Variants in CNTNAP2 observed in about 807,000 individuals in gnomAD.
CNTNAP2 encodes the protein contactin-associated protein-like 2.
CNTNAP2 carries 98 observed loss-of-function variants against 155.2 expected under a neutral mutation model. The ratio of observed to expected loss-of-function variants is 0.63; its 90% CI spans 0.54 to 0.75. The LOEUF (loss-of-function observed/expected upper bound fraction) is 0.75, where lower values mean the gene tolerates loss of function less well. Among genes scored for constraint, CNTNAP2 ranks in the 30% least tolerant of loss-of-function variants. The probability of loss-of-function intolerance (pLI) is 0.00; values close to 1 mark genes in which losing one functional copy is unlikely to be tolerated. For synonymous variants in CNTNAP2, 651 were observed against 631.2 expected (o/e 1.03, Z -0.47); for missense variants, 1,727 against 1,688.1 (o/e 1.02, Z -0.40).
chr7:148,414,076 C>T (rs10248122), intron 23 of CNTNAP2, among the ~76,000 whole-genome samples: 1 of 142,728 alleles, frequency 7.0e-6, no homozygotes. Flanking sequence ...TTTTCTTTTT[C>T]CATTTTTTTT....
At chr7:146,403,632 C>A (rs2129108987) in intron 1 of CNTNAP2, among the ~76,000 whole-genome samples, 1 of 152,110 alleles carries the variant, frequency 6.6e-6, no homozygotes, top group African/African-American at 2.4e-5. Flanking sequence ...CTTAAAATGA[C>A]AATAACAACA....
rs564427101 is a variant in CNTNAP2 at position 147,603,060 on chromosome 7, C to G, written c.1898-36046C>G. Reference sequence around the variant, plus strand: ...GTTCTAGATCCCTGAGGAATCGCCACACTGACTTCCACAATGGTTGAACTA... The same window carrying G: ...GTTCTAGATCCCTGAGGAATCGCCAGACTGACTTCCACAATGGTTGAACTA... On this transcript the variant is annotated intron_variant, in intron 12 of 23. Coordinates refer to ENST00000361727, the MANE Select transcript of CNTNAP2 (RefSeq NM_014141.6). 3.4e-3 allele frequency among the ~76,000 whole-genome samples: 517 copies of G among 152,002 alleles called. 4 individuals carry two copies. The highest frequency in any genetic ancestry group is 0.012 in the African/African-American group (493 of 41,428).
intron 13 of CNTNAP2, among the ~76,000 whole-genome samples, chr7:147,661,871 A>G (rs1795616896): frequency 1.3e-5 from 2 of 152,040 alleles, no homozygotes; most frequent in South Asian, 4.1e-4. Flanking sequence ...TGATATAAGT[A>G]CTAGCTATTC....
intron 8 of CNTNAP2, among the ~76,000 whole-genome samples, chr7:147,289,415 CAGG>C (rs1805252985): frequency 1.4e-5 from 2 of 143,232 alleles, no homozygotes; most frequent in Non-Finnish European, 1.5e-5. Flanking sequence ...AAAAAAAAAA[CAGG>C]AGAGACAATT....
intron 9 of CNTNAP2, among the ~76,000 whole-genome samples, chr7:147,392,060 C>A (rs1796728152): frequency 6.6e-6 from 1 of 152,102 alleles, no homozygotes; most frequent in Non-Finnish European, 1.5e-5. Flanking sequence ...TATACAATTT[C>A]ATTTAACTGT....
chr7:147,487,451 G>A (rs1798529759), intron 11 of CNTNAP2, among the ~76,000 whole-genome samples: 1 of 152,132 alleles, frequency 6.6e-6, no homozygotes, highest in Non-Finnish European at 1.5e-5. Flanking sequence ...ATAACGTGAT[G>A]CTAGAATTAC....
At chr7:147,808,862 A>G (rs936159788) in intron 13 of CNTNAP2, among the ~76,000 whole-genome samples, 1 of 152,214 alleles carries the variant, frequency 6.6e-6, no homozygotes, top group Non-Finnish European at 1.5e-5. Flanking sequence ...AGGAATACAC[A>G]TGCTTTACCT....
chr7:146,141,335 A>T (rs776549788), intron 1 of CNTNAP2, among the ~76,000 whole-genome samples: 1 of 152,148 alleles, frequency 6.6e-6, no homozygotes, highest in Admixed American at 6.6e-5. Context: ...ATTCGTGTAG[A>T]TCACTATCCT....
chr7:148,296,310 C>T (rs1256578191), intron 21 of CNTNAP2, among the ~76,000 whole-genome samples: 1 of 151,762 alleles, frequency 6.6e-6, no homozygotes, highest in East Asian at 1.9e-4. Flanking sequence ...CTGAGGTGGG[C>T]AGATTGCCTG....
rs192390220 is a variant in CNTNAP2, at chr7:146,625,790, G to C, written c.98-148481G>C. ...TTCAGTAATTCTCATAAGTAATTCA[G>C]CGATGAGCTATCAGCTACCGGTAAT... On this transcript the variant is annotated intron_variant, in intron 1 of 23. Transcript: ENST00000361727. Among the ~76,000 whole-genome samples the C allele has an allele frequency of 1.1e-4, 16 of 151,942 alleles. No homozygotes were observed. In the East Asian group the frequency reaches 3.1e-3, roughly 29 times the overall value.
intron 3 of CNTNAP2, among the ~76,000 whole-genome samples, chr7:146,878,618 C>A (rs1225333523): frequency 1.3e-5 from 2 of 152,140 alleles, no homozygotes; most frequent in Non-Finnish European, 2.9e-5. Flanking sequence ...AGCCCTAACT[C>A]TTTTAATTGC....
At chr7:146,783,055 T>TA (rs1365226362) in intron 2 of CNTNAP2, among the ~76,000 whole-genome samples, 1 of 152,126 alleles carries the variant, frequency 6.6e-6, no homozygotes, top group African/African-American at 2.4e-5. Flanking sequence ...TGTTAAGACT[T>TA]ACAGTGACTT....
intron 1 of CNTNAP2, among the ~76,000 whole-genome samples, chr7:146,637,674 C>A (rs547832704): frequency 6.6e-6 from 1 of 152,278 alleles, no homozygotes; most frequent in South Asian, 2.1e-4. Flanking sequence ...TGAAGTTGAA[C>A]ACACACTGGT....
At chr7:147,859,437 AAAAC>A (rs1203271492) in intron 13 of CNTNAP2, among the ~76,000 whole-genome samples, 3,005 of 137,498 alleles carry the variant, frequency 0.022, 102 homozygotes, top group African/African-American at 0.076. Context: ...AAAAAAAAAA[AAAAC>A]ATGTCATATT....
intron 3 of CNTNAP2, among the ~76,000 whole-genome samples, chr7:146,954,709 A>G (rs1004181529): frequency 6.6e-6 from 1 of 151,796 alleles, no homozygotes; most frequent in African/African-American, 2.4e-5. Flanking sequence ...TTTATTGCTC[A>G]CAAGAAAAAA....
At chr7:147,509,605 C>T (rs1798979687) in intron 11 of CNTNAP2, among the ~76,000 whole-genome samples, 1 of 152,054 alleles carries the variant, frequency 6.6e-6, no homozygotes, top group South Asian at 2.1e-4. Flanking sequence ...TTTGGTATCA[C>T]TGAGATTTGG....
intron 8 of CNTNAP2, among the ~76,000 whole-genome samples, chr7:147,253,925 A>C (rs1415625935): frequency 6.6e-6 from 1 of 152,178 alleles, no homozygotes; most frequent in Non-Finnish European, 1.5e-5. Context: ...TATTTTAGTG[A>C]CAAGGGCCCT....
intron 4 of CNTNAP2, among the ~76,000 whole-genome samples, chr7:147,093,054 C>G (rs548844878): frequency 7.2e-6 from 1 of 138,390 alleles, no homozygotes; most frequent in South Asian, 2.4e-4. Context: ...AACCCTGTCT[C>G]TACTAAAAAT....
intron 5 of CNTNAP2, among the ~76,000 whole-genome samples, chr7:147,115,005 G>C (rs1256531704): frequency 1.3e-5 from 2 of 152,166 alleles, no homozygotes; most frequent in Non-Finnish European, 2.9e-5. Context: ...GGCAGGACTG[G>C]TGGTAATAAA....
Sources: allele counts gnomAD v4.1 joint callset (sites outside exome capture counted in the v4.1 genomes callset), GRCh38; gene constraint gnomAD v4.1.1; transcripts MANE v1.5; gene names NCBI Gene and HGNC (gene_info 2026-07-23, HGNC 2026-07-21).